AMPH: variants seen among roughly 807,000 people sequenced by gnomAD.
AMPH encodes the protein amphiphysin (Stiff-Mann syndrome with breast cancer 128kD autoantigen).
Under a neutral mutation model 99.1 loss-of-function variants are expected in AMPH, and 49 were observed. The observed-to-expected ratio is 0.49, with a 90% CI of 0.39 to 0.63. AMPH has a LOEUF of 0.63. Among genes scored for constraint, AMPH ranks in the 20% least tolerant of loss-of-function variants. AMPH has a pLI of 0.00. For synonymous variants in AMPH, 314 were observed against 317.3 expected, an observed-to-expected ratio of 0.99 and a Z score of 0.11; for missense variants, 759 against 863.4, an observed-to-expected ratio of 0.88 and a Z score of 1.52.
At chr7:38,478,619 A>C (rs1185596297) in intron 5 of AMPH, among the ~76,000 whole-genome samples, 1 of 152,212 alleles carries the variant, frequency 6.6e-6, no homozygotes, top group Non-Finnish European at 1.5e-5. Context: ...AGCAAACAAC[A>C]GAGACAGACT....
At chr7:38,487,908 C>A (rs917566088) in intron 5 of AMPH, among the ~76,000 whole-genome samples, 3 of 152,038 alleles carry the variant, frequency 2.0e-5, no homozygotes, top group Non-Finnish European at 4.4e-5. Context: ...ATGCAGCCAA[C>A]AAACATATGA....
intron 1 of AMPH, among the ~76,000 whole-genome samples, chr7:38,572,263 A>G (rs1438862981): frequency 6.6e-6 from 1 of 152,074 alleles, no homozygotes; most frequent in African/African-American, 2.4e-5. Flanking sequence ...CTATGTTTAG[A>G]TACACAAATC....
At chr7:38,463,209 A>G (rs1437464682) in intron 9 of AMPH, 96 bp from the exon 10 acceptor site, 2 of 1,539,756 alleles carry the variant, frequency 1.3e-6, no homozygotes, top group African/African-American at 1.4e-5. Context: ...GAAGCCTAAC[A>G]GGTACTGTCT....
chr7:38,411,603 A>G (rs1451491925), intron 17 of AMPH, among the ~76,000 whole-genome samples: 1 of 152,198 alleles, frequency 6.6e-6, no homozygotes, highest in Admixed American at 6.5e-5. Context: ...CATATTATCC[A>G]TGGACTAAAC....
chr7:38,425,748 C>G (rs1050877366), intron 15 of AMPH, among the ~76,000 whole-genome samples: 6 of 152,100 alleles, frequency 3.9e-5, no homozygotes, highest in African/African-American at 1.4e-4. Context: ...TATAAGAAAC[C>G]CATGCACACA....
At chr7:38,394,466 A>G (rs529625912) in intron 17 of AMPH, among the ~76,000 whole-genome samples, 1 of 152,340 alleles carries the variant, frequency 6.6e-6, no homozygotes, top group East Asian at 1.9e-4. Flanking sequence ...TGGGATTAGA[A>G]TGGAAGTGAC....
At chr7:38,456,655 C>T (rs374071224) in intron 11 of AMPH, among the ~76,000 whole-genome samples, 3 of 152,134 alleles carry the variant, frequency 2.0e-5, no homozygotes, top group Admixed American at 6.5e-5. Flanking sequence ...CTTGGGTTCC[C>T]GTGGGTTACT....
chr7:38,435,078 T>C (rs899150011), intron 12 of AMPH, among the ~76,000 whole-genome samples: 5 of 152,238 alleles, frequency 3.3e-5, no homozygotes, highest in African/African-American at 4.8e-5. Flanking sequence ...AATATTCTAA[T>C]GCACATCATG....
chr7:38,522,757 T>C (rs1230886206), intron 2 of AMPH, among the ~76,000 whole-genome samples: 1 of 151,998 alleles, frequency 6.6e-6, no homozygotes, highest in Non-Finnish European at 1.5e-5. Flanking sequence ...AATATACGTA[T>C]ATTGAAGATA....
At chr7:38,571,271 A>ACATATT (rs1791992519) in intron 1 of AMPH, among the ~76,000 whole-genome samples, 2 of 37,468 alleles carry the variant, frequency 5.3e-5, no homozygotes, top group Admixed American at 8.8e-4. Flanking sequence ...ATATATTTAT[A>ACATATT]TATATATTTT....
chr7:38,429,315 T>C, intron 14 of AMPH: 1 of 1,288,208 alleles, frequency 7.8e-7, no homozygotes, highest in Non-Finnish European at 1.0e-6. Flanking sequence ...ATGCTCACTC[T>C]CTTCAGCTAC....
At chr7:38,608,663 T>C (rs1469437908) in intron 1 of AMPH, among the ~76,000 whole-genome samples, 1 of 152,120 alleles carries the variant, frequency 6.6e-6, no homozygotes, top group Admixed American at 6.5e-5. Flanking sequence ...CAATAATCAA[T>C]ACTGACATCA....
At chr7:38,389,939 C>A in intron 19 of AMPH, 34 bp from the exon 20 acceptor site, 2 of 1,518,654 alleles carry the variant, frequency 1.3e-6, no homozygotes. Flanking sequence ...AAATCAATTT[C>A]CCAGCCAGAT....
intron 7 of AMPH, among the ~76,000 whole-genome samples, chr7:38,469,951 CTCAT>C (rs1226607858): frequency 6.6e-6 from 1 of 152,140 alleles, no homozygotes; most frequent in African/African-American, 2.4e-5. Context: ...CATGAGCTCC[CTCAT>C]TCATTCATTT....
At position 38,384,140 on chromosome 7, in the gene AMPH, G is replaced by A. The variant is rs1195215478; in HGVS notation, c.*678C>T. ...AATGGGATGGCTGGTTTTGCCATTA[G>A]GCAAAACTGCAATTGTAATGCCAGA... On this transcript the variant is annotated 3_prime_UTR_variant, in exon 21 of 21. Transcript: ENST00000356264. 1.3e-5 allele frequency: 2 copies of A among 152,292 alleles called. No individual in the cohort carries two copies. Among genetic ancestry groups the A allele is most frequent in the African/African-American group, 4.8e-5 (2 of 41,454 alleles). 9.4% of individuals were successfully genotyped at this position (152,292 alleles called of 1,614,324 possible). A position where few individuals can be genotyped will look rare whatever the true frequency, so the allele number is the denominator to read the frequency against.
chr7:38,407,975 G>A (rs375200682), intron 17 of AMPH, among the ~76,000 whole-genome samples: 2 of 152,292 alleles, frequency 1.3e-5, no homozygotes, highest in Admixed American at 6.5e-5. Context: ...CAATTTTCCA[G>A]ACTGTATCTC....
chr7:38,559,302 A>T (rs955697377), intron 1 of AMPH, among the ~76,000 whole-genome samples: 1 of 152,256 alleles, frequency 6.6e-6, no homozygotes, highest in Non-Finnish European at 1.5e-5. Flanking sequence ...CCTCATTTAC[A>T]GCTCACCCGC....
intron 1 of AMPH, among the ~76,000 whole-genome samples, chr7:38,605,913 G>T (rs147493593): frequency 6.6e-6 from 1 of 152,086 alleles, no homozygotes; most frequent in Non-Finnish European, 1.5e-5. Context: ...GTCTAAACTC[G>T]TAGGAAAGAA....
intron 14 of AMPH, chr7:38,428,433 C>T (rs1562747108): frequency 2.2e-6 from 1 of 456,672 alleles, no homozygotes; most frequent in Non-Finnish European, 4.4e-6. Flanking sequence ...AAGGTCAGTC[C>T]TAGACTGAGC....
Sources: gnomAD v4.1 joint callset for allele counts (sites outside exome capture counted in the v4.1 genomes callset) on GRCh38, gnomAD v4.1.1 for gene constraint, MANE v1.5 for transcripts, NCBI Gene and HGNC (gene_info 2026-07-23, HGNC 2026-07-21) for gene names.